Variants in DCLK1 observed in about 807,000 individuals in gnomAD.
DCLK1 encodes the protein doublecortin like kinase 1, also known as serine/threonine-protein kinase DCLK1.
DCLK1 carries 16 observed loss-of-function variants against 86.2 expected under a neutral mutation model. That is an observed-to-expected ratio of 0.19 (90% CI 0.13 to 0.28). DCLK1 has a LOEUF of 0.28. Ranked by LOEUF, DCLK1 falls within the 10% of genes least tolerant of loss-of-function variation. DCLK1 has a pLI of 1.00. For missense variants in DCLK1, 590 were observed against 940.2 expected (o/e 0.63, Z 4.87); for synonymous variants, 369 against 370.5 (o/e 1.00, Z 0.05).
At chr13:35,882,726 C>T (rs151199469) in intron 4 of DCLK1, among the ~76,000 whole-genome samples, 125 of 152,276 alleles carry the variant, frequency 8.2e-4, no homozygotes, top group African/African-American at 2.7e-3. Flanking sequence ...GCCTGGTTAA[C>T]GTTCTGTTCA....
At chr13:35,985,883 G>A (rs12876996) in intron 3 of DCLK1, among the ~76,000 whole-genome samples, 34,289 of 152,122 alleles carry the variant, frequency 0.23, 4,134 homozygotes, top group Middle Eastern at 0.32. Flanking sequence ...ATTTTATCAG[G>A]AAGAAAGCCA....
At chr13:36,025,155 A>G (rs918824716) in intron 3 of DCLK1, among the ~76,000 whole-genome samples, 9 of 151,968 alleles carry the variant, frequency 5.9e-5, no homozygotes, top group Admixed American at 2.0e-4. Flanking sequence ...TTTAGTAGAG[A>G]TAAGGTTTCT....
At position 35,774,583 on chromosome 13, in the gene DCLK1, G is replaced by A. The variant is rs762116664; in HGVS notation, c.2175C>T (p.Tyr725=). 1 of 1,572,628 alleles carries A rather than the reference G, an allele frequency of 6.4e-7. No homozygotes were observed. Among genetic ancestry groups the A allele is most frequent in the South Asian group, 1.2e-5 (1 of 86,082 alleles). Residue 725 remains tyrosine, a synonymous_variant, in exon 17 of 17, where the codon TAC becomes TAT. Coordinates refer to ENST00000360631, the MANE Select transcript of DCLK1 (RefSeq NM_001330071.2). ...PPELNSESED[Y]SPSSSETVRS... ...GAACAGTCTCGGAGGAGCTTGGGGA[G>A]TAGTCTTCCGATTCCGAGTTGAGTT...
intron 3 of DCLK1, among the ~76,000 whole-genome samples, chr13:35,959,854 CGTGTGTGTGTGTGTGT>C (rs67600362): frequency 7.2e-4 from 108 of 149,410 alleles, no homozygotes; most frequent in Middle Eastern, 6.9e-3. Context: ...TACAGCAAGT[CGTGTGTGTGTGTGTGT>C]GTGTGTGTGT....
At chr13:35,826,986 T>C (rs1868524578) in intron 10 of DCLK1, among the ~76,000 whole-genome samples, 2 of 152,208 alleles carry the variant, frequency 1.3e-5, no homozygotes, top group African/African-American at 2.4e-5. Flanking sequence ...TTAAAACTTC[T>C]ACTTCCCGAA....
intron 16 of DCLK1, among the ~76,000 whole-genome samples, chr13:35,785,024 G>A (rs9574592): frequency 1.0e-3 from 157 of 152,240 alleles, no homozygotes; most frequent in Middle Eastern, 6.8e-3. Flanking sequence ...GTTTCAGGAC[G>A]GTGCTTGAAT....
intron 4 of DCLK1, among the ~76,000 whole-genome samples, chr13:35,874,137 A>G (rs1473608517): frequency 6.6e-6 from 1 of 152,126 alleles, no homozygotes; most frequent in East Asian, 1.9e-4. Context: ...TCCAGATCTC[A>G]TTCTGATGCC....
chr13:36,084,290 A>AC (rs1418090956), intron 3 of DCLK1, among the ~76,000 whole-genome samples: 6 of 152,282 alleles, frequency 3.9e-5, no homozygotes, highest in African/African-American at 7.2e-5. Context: ...ATCCCCAGAC[A>AC]GTTCATGATT....
At chr13:35,780,696 C>T (rs1213531576) in intron 16 of DCLK1, among the ~76,000 whole-genome samples, 3 of 152,130 alleles carry the variant, frequency 2.0e-5, no homozygotes, top group East Asian at 1.9e-4. Context: ...GAAGAAACAC[C>T]GCATATTCCT....
At chr13:36,107,005 T>C (rs1885420042) in intron 3 of DCLK1, among the ~76,000 whole-genome samples, 1 of 152,132 alleles carries the variant, frequency 6.6e-6, no homozygotes. Flanking sequence ...TTCCTATTAA[T>C]CATCATTACC....
chr13:36,039,930 A>ATT (rs1003205144), intron 3 of DCLK1, among the ~76,000 whole-genome samples: 3 of 143,246 alleles, frequency 2.1e-5, no homozygotes, highest in Non-Finnish European at 1.5e-5. Context: ...TTTAAACTTA[A>ATT]TTTTTTTTTT....
chr13:36,097,117 A>G (rs1214116692), intron 3 of DCLK1, among the ~76,000 whole-genome samples: 1 of 152,220 alleles, frequency 6.6e-6, no homozygotes, highest in East Asian at 1.9e-4. Flanking sequence ...CAAATGACTT[A>G]GAAGGTAGAA....
chr13:35,778,108 C>G (rs11840264), intron 16 of DCLK1, among the ~76,000 whole-genome samples: 1,587 of 152,274 alleles, frequency 0.01, 30 homozygotes, highest in African/African-American at 0.036. Context: ...TCTCTCTCTT[C>G]AAAAACTTTG....
At chr13:36,104,368 C>G (rs576645727) in intron 3 of DCLK1, among the ~76,000 whole-genome samples, 1 of 152,294 alleles carries the variant, frequency 6.6e-6, no homozygotes, top group South Asian at 2.1e-4. Context: ...TTAGCCTCAT[C>G]CTATAAAATC....
intron 3 of DCLK1, among the ~76,000 whole-genome samples, chr13:36,000,318 T>C (rs1413425142): frequency 2.6e-5 from 4 of 152,110 alleles, no homozygotes; most frequent in Non-Finnish European, 1.5e-5. Context: ...TCAGCTATCT[T>C]TGGATATCAA....
intron 4 of DCLK1, among the ~76,000 whole-genome samples, chr13:35,915,009 A>G (rs1232111629): frequency 6.6e-6 from 1 of 152,238 alleles, no homozygotes; most frequent in Non-Finnish European, 1.5e-5. Flanking sequence ...TACTGAAAAG[A>G]AACATTTATT....
At chr13:35,970,272 C>T (rs1290746913) in intron 3 of DCLK1, among the ~76,000 whole-genome samples, 3 of 152,206 alleles carry the variant, frequency 2.0e-5, no homozygotes, top group African/African-American at 7.2e-5. Flanking sequence ...TCAGAAGTGC[C>T]ACTTCCCCAC....
chr13:35,805,840 C>T, intron 14 of DCLK1, 61 bp from the exon 15 acceptor site: 3 of 1,460,282 alleles, frequency 2.1e-6, no homozygotes, highest in Non-Finnish European at 2.8e-6. Flanking sequence ...TGTATGTGTG[C>T]AAATGCAAGA....
rs949973263 is a variant in DCLK1 at position 35,774,324 on chromosome 13, A to G, written c.*211T>C. ...TTGGCCTTAACCCTTTGAGGACTCTATTAGCAGCAAATTACCATCTTCACA... is the reference window on the plus strand; with the variant it reads ...TTGGCCTTAACCCTTTGAGGACTCTGTTAGCAGCAAATTACCATCTTCACA... On this transcript the variant is annotated 3_prime_UTR_variant, in exon 17 of 17. Coordinates refer to ENST00000360631, the MANE Select transcript of DCLK1 (RefSeq NM_001330071.2). The G allele has an allele frequency of 3.0e-6, 2 of 663,536 alleles. No individual in the cohort carries two copies. The highest frequency in any genetic ancestry group is 1.8e-5 in the African/African-American group (1 of 55,204). 41.1% of individuals were successfully genotyped at this position (663,536 alleles called of 1,614,324 possible).
Sources: gnomAD v4.1 joint callset for allele counts (sites outside exome capture counted in the v4.1 genomes callset) on GRCh38, gnomAD v4.1.1 for gene constraint, MANE v1.5 for transcripts, NCBI Gene and HGNC (gene_info 2026-07-23, HGNC 2026-07-21) for gene names.